POLR3A: variants seen among roughly 807,000 people sequenced by gnomAD.
The protein encoded by POLR3A is DNA-directed RNA polymerase III subunit RPC1.
In POLR3A, 112 loss-of-function variants were observed where a neutral mutation model predicts 152.8. The ratio of observed to expected loss-of-function variants is 0.73; its 90% CI spans 0.63 to 0.86. The LOEUF (loss-of-function observed/expected upper bound fraction) is 0.86, where lower values mean the gene tolerates loss of function less well. Among genes scored for constraint, POLR3A ranks in the 40% least tolerant of loss-of-function variants. The probability of loss-of-function intolerance (pLI) is 0.00; values close to 1 mark genes in which losing one functional copy is unlikely to be tolerated. For missense variants in POLR3A, 1,385 were observed against 1,743.1 expected, an observed-to-expected ratio of 0.79 and a Z score of 3.66; for synonymous variants, 615 against 652.1, an observed-to-expected ratio of 0.94 and a Z score of 0.87.
At chr10:78,002,010 T>A (rs986292889) in intron 17 of POLR3A, among the ~76,000 whole-genome samples, 187 bp downstream of exon 17, 1 of 152,132 alleles carries the variant, frequency 6.6e-6, no homozygotes, top group Non-Finnish European at 1.5e-5. Context: ...CCAGACACAT[T>A]ACCAACAAGT....
rs1054757283 is a variant in POLR3A, at chr10:78,025,075, A to T, written c.386T>A (p.Leu129Gln). 5.6e-6 allele frequency: 9 copies of T among 1,614,050 alleles called. No homozygotes were observed. Among genetic ancestry groups the T allele is most frequent in the Middle Eastern group, 3.3e-4 (2 of 6,084 alleles). Residue 129 changes from leucine to glutamine, a missense_variant, in exon 4 of 31, where the codon CTA becomes CAA. Coordinates refer to ENST00000372371, the MANE Select transcript of POLR3A (RefSeq NM_007055.4). ...QEEKKQFLDY[L>Q]KRPGLTYLQK... ...AAGGTAGGTCAGGCCGGGCCTCTTT[A>T]GATAGTCCAGAAACTGCTTCTTCTC...
chr10:78,013,600 T>G, intron 11 of POLR3A, 50 bp downstream of exon 11: 1 of 1,601,086 alleles, frequency 6.2e-7, no homozygotes, highest in South Asian at 1.1e-5. Context: ...TTCCTTTGCC[T>G]CCTTTCAAGG....
chr10:78,027,693 G>A (rs977904005), intron 1 of POLR3A, among the ~76,000 whole-genome samples: 2 of 122,376 alleles, frequency 1.6e-5, no homozygotes, highest in African/African-American at 1.4e-4. Flanking sequence ...TGGGGTTACA[G>A]GCATACAGGC....
Position 78,025,655 on chromosome 10 carries a change from T to C in POLR3A, c.285A>G (p.Val95=), listed in dbSNP as rs1847626170. ...YIDLELPCFH[V]GYFRAVIGIL... ...TGCCTATGACTGCTCTGAAGTACCC[T>C]ACATGAAAACACGGCAACTCCAGGT... Residue 95 remains valine, a synonymous_variant, in exon 3 of 31, where the codon GTA becomes GTG. Coordinates refer to ENST00000372371, the MANE Select transcript of POLR3A (RefSeq NM_007055.4). 6.2e-7 allele frequency: 1 copy of C among 1,614,138 alleles called. No individual in the cohort carries two copies. The highest frequency in any genetic ancestry group is 1.3e-5 in the African/African-American group (1 of 75,020).
At chr10:77,991,229 T>C (rs1319226058) in intron 20 of POLR3A, 62 bp from the exon 21 acceptor site, 3 of 907,436 alleles carry the variant, frequency 3.3e-6, no homozygotes, top group Admixed American at 3.5e-5. Flanking sequence ...CGGTAGTAGA[T>C]GAGAGAACTT....
chr10:77,986,306 C>T (rs1372654279), intron 21 of POLR3A, 147 bp from the exon 22 acceptor site: 5 of 688,608 alleles, frequency 7.3e-6, no homozygotes, highest in Admixed American at 2.1e-5. Flanking sequence ...AATCTGGATA[C>T]TGCTTCTACT....
Position 77,984,304 on chromosome 10 carries a change from G to A in POLR3A, c.3243-6C>T. 6.3e-7 allele frequency: 1 copy of A among 1,587,934 alleles called. No individual in the cohort carries two copies. Among genetic ancestry groups the A allele is most frequent in the Non-Finnish European group, 8.6e-7 (1 of 1,156,412 alleles). On this transcript the variant is annotated splice_polypyrimidine_tract_variant and splice_region_variant and intron_variant, in intron 24 of 30. Coordinates refer to ENST00000372371, the MANE Select transcript of POLR3A (RefSeq NM_007055.4). ...GTGCTGTGATAATTGGAGTGCTGTT[G>A]AGAAGCAAAGGAAAAATGGCACTAG...
Position 77,983,984 on chromosome 10 carries a change from A to G in POLR3A, c.3365T>C (p.Leu1122Pro), listed in dbSNP as rs769013767. 1 of 1,612,214 alleles carries G rather than the reference A, an allele frequency of 6.2e-7. No homozygotes were observed. Residue 1122 changes from leucine (L) to proline (P), a missense_variant, in exon 26 of 31, where the codon CTT becomes CCT. Physicochemically the swap from Leu to Pro is moderately conservative, Grantham distance 98. Coordinates refer to ENST00000372371, the MANE Select transcript of POLR3A (RefSeq NM_007055.4). ...GACGAGAATAAAGCAGTCATCAGGA[A>G]GAAACACTTCTTCAATATACTCGGA... ...EISEYIEEVF[L>P]PDDCFILVKL...
chr10:77,980,028 G>C, intron 30 of POLR3A, 113 bp downstream of exon 30: 1 of 985,180 alleles, frequency 1.0e-6, no homozygotes, highest in South Asian at 1.3e-5. Context: ...CATTATTCTT[G>C]AAAAAATAAA....
At chr10:78,021,093 T>C (rs1444540903) in intron 8 of POLR3A, among the ~76,000 whole-genome samples, 2 of 152,106 alleles carry the variant, frequency 1.3e-5, no homozygotes, top group African/African-American at 2.4e-5. Flanking sequence ...GTCTCCCCAG[T>C]AGCTGGGACC....
chr10:78,004,693 C>T (rs1192084860), intron 16 of POLR3A, 23 bp downstream of exon 16: 1 of 1,605,762 alleles, frequency 6.2e-7, no homozygotes, highest in South Asian at 1.1e-5. Flanking sequence ...AGTGGCGACC[C>T]TGAACCAAAG....
At chr10:77,996,134 C>A (rs1847298073) in intron 19 of POLR3A, among the ~76,000 whole-genome samples, 1 of 151,920 alleles carries the variant, frequency 6.6e-6, no homozygotes, top group African/African-American at 2.4e-5. Context: ...ACACAACATA[C>A]CAGAATCTCT....
chr10:78,003,642 G>C (rs906939719), intron 16 of POLR3A, among the ~76,000 whole-genome samples: 5 of 152,168 alleles, frequency 3.3e-5, no homozygotes, highest in African/African-American at 1.2e-4. Flanking sequence ...CTGTGGTGAG[G>C]CTGGGCACGG....
At chr10:77,979,853 G>A (rs551814641) in intron 30 of POLR3A, among the ~76,000 whole-genome samples, 10 of 152,268 alleles carry the variant, frequency 6.6e-5, no homozygotes, top group African/African-American at 2.4e-4. Flanking sequence ...CAAAGTCAAG[G>A]GCTAGAAAAA....
At chr10:78,002,616 C>G (rs1159825536) in intron 16 of POLR3A, among the ~76,000 whole-genome samples, 2 of 152,052 alleles carry the variant, frequency 1.3e-5, no homozygotes, top group Non-Finnish European at 2.9e-5. Flanking sequence ...ACTGCAGCCT[C>G]AAACTCCCGG....
In POLR3A at chr10:77,977,465, C is replaced by T. The variant is rs1847100049; in HGVS notation, c.*13G>A. The T allele has an allele frequency of 6.2e-7, 1 of 1,613,800 alleles. No individual in the cohort carries two copies. The highest frequency in any genetic ancestry group is 8.5e-7 in the Non-Finnish European group (1 of 1,179,750). On this transcript the variant is annotated 3_prime_UTR_variant, in exon 31 of 31. Coordinates refer to ENST00000372371, the MANE Select transcript of POLR3A (RefSeq NM_007055.4). ...AGGAGTCAAGGTCAGGCATGGTCCC[C>T]TCTTTCTTTGGACTATGTGACAAGG...
Position 78,007,693 on chromosome 10 carries a change from G to C in POLR3A, c.2074+9C>G, listed in dbSNP as rs886047286. Reference sequence around the variant, plus strand: ...GCTTTAACTAAAAGAAGGATGCTGAGATACTTACACAGGTAGACAGGAGCC... The same window carrying C: ...GCTTTAACTAAAAGAAGGATGCTGACATACTTACACAGGTAGACAGGAGCC... On this transcript the variant is annotated intron_variant, in intron 15 of 30. Transcript: ENST00000372371. 6 of 1,612,082 alleles carry C rather than the reference G, an allele frequency of 3.7e-6. No homozygotes were observed. The highest frequency in any genetic ancestry group is 3.3e-4 in the Middle Eastern group (2 of 6,062).
intron 29 of POLR3A, 127 bp downstream of exon 29, chr10:77,981,300 TC>T (rs1847138667): frequency 3.1e-6 from 3 of 953,490 alleles, no homozygotes; most frequent in Non-Finnish European, 3.4e-6. Context: ...AATGTTCACA[TC>T]TTATTTTCTC....
At position 78,022,272 on chromosome 10, in the gene POLR3A, G is replaced by T. The variant is rs1444335027; in HGVS notation, c.758C>A (p.Thr253Lys). ...ACACAAAGGAGGCACCAAAAGTCGT[G>T]TGAGAATCAAATCAGACGGCTTTCC... ...EAGKPSDLIL[T>K]RLLVPPLCIR... is the part of the protein sequence containing the mutation. The change falls in exon 6 of 31, where the codon ACA becomes AAA. Residue 253 changes from threonine (T) to lysine (K), a missense_variant. By Grantham distance (78) the Thr-to-Lys change is moderately conservative. Coordinates refer to ENST00000372371, the MANE Select transcript of POLR3A (RefSeq NM_007055.4). The T allele has an allele frequency of 6.2e-7, 1 of 1,614,238 alleles. No homozygotes were observed. Among genetic ancestry groups the T allele is most frequent in the Non-Finnish European group, 8.5e-7 (1 of 1,180,044 alleles).
Sources: gnomAD v4.1 joint callset for allele counts (sites outside exome capture counted in the v4.1 genomes callset) on GRCh38, gnomAD v4.1.1 for gene constraint, MANE v1.5 for transcripts, NCBI Gene and HGNC (gene_info 2026-07-23, HGNC 2026-07-21) for gene names.